The following RANBP2 variants were observed in gnomAD, a reference collection of about 807,000 sequenced individuals.
RANBP2 encodes E3 SUMO-protein ligase RanBP2.
In RANBP2, 57 loss-of-function variants were observed where a neutral mutation model predicts 303.6. The observed-to-expected ratio is 0.19, with a 90% confidence interval of 0.15 to 0.23. The LOEUF is 0.23. RANBP2 is among the 10% of genes least tolerant of loss of function. RANBP2 has a pLI of 1.00. For synonymous variants in RANBP2, 1,167 were observed against 1,301.5 expected (o/e 0.90, Z 2.23); for missense variants, 3,138 against 3,780.8 (o/e 0.83, Z 4.46).
At chr2:109,166,667 G>A in the RANBP2 span, among the ~76,000 whole-genome samples, 1 of 152,138 alleles carries the variant, frequency 6.6e-6, no homozygotes, top group Admixed American at 6.6e-5. Context: ...GGAATCGAGG[G>A]AGCAGAAAAT....
the RANBP2 span, among the ~76,000 whole-genome samples, chr2:108,849,679 A>AG: frequency 6.6e-6 from 1 of 152,176 alleles, no homozygotes; most frequent in Non-Finnish European, 1.5e-5. Context: ...AAAAAGAAAA[A>AG]AAAATCTGAC....
chr2:109,596,909 T>C, the RANBP2 span, among the ~76,000 whole-genome samples: 1 of 152,210 alleles, frequency 6.6e-6, no homozygotes, highest in Non-Finnish European at 1.5e-5. Context: ...ACAAGTTTAA[T>C]ACTGGAAAAG....
chr2:108,915,779 C>T, the RANBP2 span, among the ~76,000 whole-genome samples: 1 of 152,132 alleles, frequency 6.6e-6, no homozygotes, highest in Admixed American at 6.6e-5. Context: ...TGCCTGTAAT[C>T]CCAGCTACTG....
the RANBP2 span, among the ~76,000 whole-genome samples, chr2:109,090,160 A>T: frequency 3.3e-5 from 5 of 152,066 alleles, no homozygotes. Flanking sequence ...TAGAACTTTC[A>T]GACCTGGGTT....
chr2:108,910,619 G>A, the RANBP2 span: 1 of 1,413,462 alleles, frequency 7.1e-7, no homozygotes, highest in Non-Finnish European at 9.9e-7. Context: ...TTCCTGTTGG[G>A]CAGAGCTGCC....
the RANBP2 span, among the ~76,000 whole-genome samples, chr2:109,406,070 A>C: frequency 6.6e-6 from 1 of 152,232 alleles, no homozygotes; most frequent in Non-Finnish European, 1.5e-5. Flanking sequence ...CAGGGCGTGC[A>C]GCCGGCTGAG....
the RANBP2 span, among the ~76,000 whole-genome samples, chr2:109,375,783 T>C: frequency 3.3e-5 from 5 of 152,200 alleles, no homozygotes; most frequent in Admixed American, 3.3e-4. Context: ...CTGCTTGGGG[T>C]CAGGCCTCGG....
chr2:108,789,044 AT>A, downstream of RANBP2: 1 of 1,511,356 alleles, frequency 6.6e-7, no homozygotes, highest in Non-Finnish European at 9.1e-7. Context: ...GGCAGGTTAT[AT>A]TTTTGCTCTT....
chr2:109,647,438 A>G, the RANBP2 span, among the ~76,000 whole-genome samples: 3 of 151,838 alleles, frequency 2.0e-5, no homozygotes, highest in East Asian at 5.8e-4. Context: ...CTGGGATTAC[A>G]GGCGTGAGCC....
chr2:109,029,913 A>C, the RANBP2 span, among the ~76,000 whole-genome samples: 9 of 152,330 alleles, frequency 5.9e-5, no homozygotes, highest in African/African-American at 1.9e-4. Context: ...ATTTTAAAGA[A>C]ATACTATACT....
chr2:108,738,557 A>G (rs1326418467), intron 6 of RANBP2, among the ~76,000 whole-genome samples: 1 of 152,002 alleles, frequency 6.6e-6, no homozygotes, highest in East Asian at 1.9e-4. Context: ...TGTTTATTAC[A>G]TTAGAAATTA....
At chr2:108,998,549 T>C in the RANBP2 span, among the ~76,000 whole-genome samples, 1 of 152,186 alleles carries the variant, frequency 6.6e-6, no homozygotes, top group Non-Finnish European at 1.5e-5. Flanking sequence ...CACAGAATCA[T>C]TTTCAGCGTC....
the RANBP2 span, among the ~76,000 whole-genome samples, chr2:108,975,603 T>G: frequency 6.6e-6 from 1 of 151,950 alleles, no homozygotes; most frequent in Non-Finnish European, 1.5e-5. Context: ...GGCAGCAGCT[T>G]TGGGGAGGCA....
At chr2:108,824,692 T>C in the RANBP2 span, among the ~76,000 whole-genome samples, 1 of 152,324 alleles carries the variant, frequency 6.6e-6, no homozygotes, top group East Asian at 1.9e-4. Flanking sequence ...TCATTTATTA[T>C]CTTTATCAAG....
At chr2:109,582,939 A>G in the RANBP2 span, among the ~76,000 whole-genome samples, 1 of 152,208 alleles carries the variant, frequency 6.6e-6, no homozygotes, top group Non-Finnish European at 1.5e-5. Flanking sequence ...AGGACTCTCT[A>G]TTCAATAAAT....
the RANBP2 span, among the ~76,000 whole-genome samples, chr2:109,446,032 T>G: frequency 6.6e-6 from 1 of 152,126 alleles, no homozygotes; most frequent in Non-Finnish European, 1.5e-5. Context: ...TAAGCAGCCT[T>G]CATCTGTCAG....
the RANBP2 span, among the ~76,000 whole-genome samples, chr2:109,531,756 C>T: frequency 3.9e-5 from 6 of 152,212 alleles, no homozygotes; most frequent in East Asian, 1.9e-4. Context: ...TAGATAAAGA[C>T]ATCAGTGCAT....
intron 17 of RANBP2, 75 bp from the exon 18 acceptor site, chr2:108,758,338 A>G (rs923919087): frequency 3.2e-6 from 5 of 1,576,388 alleles, no homozygotes; most frequent in Non-Finnish European, 4.3e-6. Context: ...TTAAAAGAGT[A>G]AGTTTCCCCA....
the RANBP2 span, among the ~76,000 whole-genome samples, chr2:109,675,248 C>T: frequency 3.9e-5 from 6 of 152,184 alleles, no homozygotes; most frequent in Non-Finnish European, 7.3e-5. Context: ...TGTCTATCAC[C>T]GTTATACTCG....
Sources: allele counts gnomAD v4.1 joint callset (sites outside exome capture counted in the v4.1 genomes callset), GRCh38; gene constraint gnomAD v4.1.1; transcripts MANE v1.5; gene names NCBI Gene and HGNC (gene_info 2026-07-23, HGNC 2026-07-21).